The following THSD7B variants were observed in gnomAD, a reference collection of about 807,000 sequenced individuals.
THSD7B encodes thrombospondin type 1 domain containing 7B, also known as thrombospondin type-1 domain-containing protein 7B.
In THSD7B, 138 loss-of-function variants were observed where a neutral mutation model predicts 213.6. The ratio of observed to expected loss-of-function variants is 0.65; its 90% confidence interval spans 0.56 to 0.74. THSD7B has a LOEUF of 0.74. Ranked by LOEUF, THSD7B falls within the 30% of genes least tolerant of loss-of-function variation. The pLI is 0.00. For missense variants in THSD7B, 1,931 were observed against 1,991.5 expected (o/e 0.97, Z 0.58); for synonymous variants, 742 against 687.0 (o/e 1.08, Z -1.25).
chr2:137,670,416 C>T (rs556154641), intron 27 of THSD7B, among the ~76,000 whole-genome samples: 1 of 152,270 alleles, frequency 6.6e-6, no homozygotes, highest in South Asian at 2.1e-4. Flanking sequence ...ATACCCTGTA[C>T]AGGCTGGTGT....
intron 1 of THSD7B, among the ~76,000 whole-genome samples, chr2:136,852,000 T>C (rs1482098393): frequency 1.3e-5 from 2 of 151,968 alleles, no homozygotes; most frequent in African/African-American, 4.8e-5. Flanking sequence ...TCTTATTCCC[T>C]GTTGATAAGT....
intron 7 of THSD7B, among the ~76,000 whole-genome samples, chr2:137,220,191 T>G (rs1681337621): frequency 6.6e-6 from 1 of 152,008 alleles, no homozygotes; most frequent in Admixed American, 6.6e-5. Flanking sequence ...GTTAATAAGA[T>G]GACTTCAGCA....
chr2:136,795,499 T>A (rs1344368520), intron 1 of THSD7B, among the ~76,000 whole-genome samples: 3 of 151,906 alleles, frequency 2.0e-5, no homozygotes, highest in Admixed American at 2.0e-4. Flanking sequence ...GTGTGAGGTA[T>A]CATATCCACA....
intron 2 of THSD7B, among the ~76,000 whole-genome samples, chr2:136,985,809 C>T (rs752003491): frequency 6.6e-6 from 1 of 152,222 alleles, no homozygotes; most frequent in African/African-American, 2.4e-5. Flanking sequence ...TTGGAAAACT[C>T]TAGCTTATGA....
chr2:137,183,619 A>G (rs536015986), intron 7 of THSD7B, among the ~76,000 whole-genome samples: 14 of 152,216 alleles, frequency 9.2e-5, no homozygotes, highest in African/African-American at 3.4e-4. Context: ...TAATAGCACA[A>G]TTTACTATAA....
At chr2:137,146,737 G>C (rs1056094433) in intron 5 of THSD7B, among the ~76,000 whole-genome samples, 1 of 152,046 alleles carries the variant, frequency 6.6e-6, no homozygotes, top group Non-Finnish European at 1.5e-5. Flanking sequence ...CAGATATATA[G>C]CATATGTTTA....
chr2:137,022,971 G>T (rs182052977), intron 2 of THSD7B, among the ~76,000 whole-genome samples: 3 of 152,246 alleles, frequency 2.0e-5, no homozygotes, highest in Non-Finnish European at 2.9e-5. Context: ...TGGGCCCAAG[G>T]TTCATAGTTT....
At chr2:137,400,571 C>G (rs546909761) in intron 12 of THSD7B, among the ~76,000 whole-genome samples, 1 of 152,186 alleles carries the variant, frequency 6.6e-6, no homozygotes, top group South Asian at 2.1e-4. Context: ...AGGCTGATGA[C>G]CTCTTGGGCA....
In THSD7B at chr2:136,847,023, ATT is replaced by A. The variant is rs202199699; in HGVS notation, c.-35-35114_-35-35113del. 3.9e-5 allele frequency among the ~76,000 whole-genome samples: 6 copies of A among 151,978 alleles called. No homozygotes were observed. The South Asian group carries it at 1.0e-3, about 26-fold the overall frequency. On this transcript the variant is annotated intron_variant, in intron 1 of 27. Coordinates refer to ENST00000409968, the MANE Select transcript of THSD7B (RefSeq NM_001316349.2). The stretch of plus-strand genomic sequence containing the variant: ...ATCTTTCATTGAATATAATTTTTCT[ATT>A]TTTTTTCCAATCTAGAAGACTTTTA...
intron 2 of THSD7B, among the ~76,000 whole-genome samples, chr2:136,894,639 G>A (rs1286489623): frequency 6.6e-6 from 1 of 152,098 alleles, no homozygotes; most frequent in Admixed American, 6.6e-5. Context: ...TTTATTTCTG[G>A]TAAATAGGTG....
At chr2:137,162,708 C>G (rs781509211) in intron 6 of THSD7B, among the ~76,000 whole-genome samples, 4 of 151,654 alleles carry the variant, frequency 2.6e-5, no homozygotes, top group Non-Finnish European at 5.9e-5. Flanking sequence ...TTTCCTTCCT[C>G]CCTCCCTCCC....
chr2:136,919,714 G>T (rs1684403401), intron 2 of THSD7B, among the ~76,000 whole-genome samples: 1 of 152,196 alleles, frequency 6.6e-6, no homozygotes, highest in South Asian at 2.1e-4. Context: ...TGGCCCAGCA[G>T]GCTGCATATG....
intron 1 of THSD7B, among the ~76,000 whole-genome samples, chr2:136,787,368 G>C (rs1253149470): frequency 6.6e-6 from 1 of 151,788 alleles, no homozygotes; most frequent in Non-Finnish European, 1.5e-5. Context: ...TAGCTCTCTA[G>C]GTGTAAATTA....
chr2:136,983,747 C>T (rs901666200), intron 2 of THSD7B, among the ~76,000 whole-genome samples: 2 of 152,150 alleles, frequency 1.3e-5, no homozygotes, highest in Non-Finnish European at 2.9e-5. Context: ...GAGAAATGTG[C>T]CACGTTGGAG....
At chr2:137,508,463 G>A (rs1418989262) in intron 15 of THSD7B, among the ~76,000 whole-genome samples, 1 of 143,064 alleles carries the variant, frequency 7.0e-6, no homozygotes, top group African/African-American at 2.6e-5. Context: ...TGCAAGCTCC[G>A]CCTCCCGGGT....
chr2:137,511,622 T>A (rs1421329136), intron 15 of THSD7B, among the ~76,000 whole-genome samples: 1 of 152,194 alleles, frequency 6.6e-6, no homozygotes, highest in Non-Finnish European at 1.5e-5. Context: ...ACAGAGGTTA[T>A]GCTAACCTCT....
chr2:136,929,843 C>G (rs926358605), intron 2 of THSD7B, among the ~76,000 whole-genome samples: 5 of 152,124 alleles, frequency 3.3e-5, no homozygotes, highest in African/African-American at 1.2e-4. Flanking sequence ...TGTCGCATGA[C>G]TAGATGAAGA....
intron 10 of THSD7B, among the ~76,000 whole-genome samples, chr2:137,264,532 G>A (rs1179593099): frequency 3.3e-5 from 5 of 152,138 alleles, no homozygotes; most frequent in Non-Finnish European, 7.3e-5. Context: ...ACAGGCGTGA[G>A]CCACCGCGCC....
chr2:137,020,364 G>A (rs1399549601), intron 2 of THSD7B, among the ~76,000 whole-genome samples: 1 of 152,174 alleles, frequency 6.6e-6, no homozygotes. Flanking sequence ...ATGCTAGACT[G>A]AGAGACTATT....
Sources: allele counts gnomAD v4.1 joint callset (sites outside exome capture counted in the v4.1 genomes callset), GRCh38; gene constraint gnomAD v4.1.1; transcripts MANE v1.5; gene names NCBI Gene and HGNC (gene_info 2026-07-23, HGNC 2026-07-21).